Variants in PDE1C observed in about 807,000 individuals in gnomAD.
PDE1C encodes dual specificity calcium/calmodulin-dependent 3',5'-cyclic nucleotide phosphodiesterase 1C.
In PDE1C, 62 loss-of-function variants were observed where a neutral mutation model predicts 93.1. That is an observed-to-expected ratio of 0.67 (90% CI 0.54 to 0.82). The LOEUF (loss-of-function observed/expected upper bound fraction) is 0.82. Among genes scored for constraint, PDE1C ranks in the 40% least tolerant of loss-of-function variants. The pLI is 0.00. For missense variants in PDE1C, 742 were observed against 884.6 expected, an observed-to-expected ratio of 0.84 and a Z score of 2.04; for synonymous variants, 325 against 310.1, an observed-to-expected ratio of 1.05 and a Z score of -0.50.
At chr7:31,824,035 C>A (rs1789333243) in intron 13 of PDE1C, among the ~76,000 whole-genome samples, 1 of 152,006 alleles carries the variant, frequency 6.6e-6, no homozygotes, top group South Asian at 2.1e-4. Flanking sequence ...GAGGGTCTAT[C>A]CATCTGGAGC....
intron 11 of PDE1C, among the ~76,000 whole-genome samples, chr7:31,832,386 C>T (rs1790528766): frequency 6.6e-6 from 1 of 152,112 alleles, no homozygotes; most frequent in Non-Finnish European, 1.5e-5. Context: ...GAGGCAGTGG[C>T]TCGGATTTTG....
chr7:32,215,344 G>GA (rs1354136144), intron 1 of PDE1C, among the ~76,000 whole-genome samples: 2 of 152,216 alleles, frequency 1.3e-5, no homozygotes, highest in South Asian at 2.1e-4. Context: ...CCGTTTTGTA[G>GA]AAAAAATGTC....
rs530751030 is a variant in PDE1C, at chr7:32,386,833, C to G, written c.310+40989G>C. Among the ~76,000 whole-genome samples, 46 of 152,090 alleles carry G rather than the reference C, an allele frequency of 3.0e-4. 1 individual carries two copies. The South Asian group carries it at 9.6e-3, about 32-fold the overall frequency. On this transcript the variant is annotated intron_variant, in intron 1 of 1. Transcript: ENST00000672256. ...CAAATAGCCGTCAAAGAGGTTGATT[C>G]GATTTGCCCTCTTACTGCAGTGTCT... is the stretch of plus-strand genomic sequence containing the variant.
In PDE1C at chr7:31,823,087, G is replaced by A. The variant is rs1562866361; in HGVS notation, c.1568C>T (p.Ala523Val). ...TGGCATGTTACCTTTGGGTACCTTGGCCCTCCATCTCTCCCGATTGATGTG... is the reference window on the plus strand; with the variant it reads ...TGGCATGTTACCTTTGGGTACCTTGACCCTCCATCTCTCCCGATTGATGTG... ...VVHINRERWRAKVPKEEKAKK... is the reference protein window; with the variant it reads ...VVHINRERWRVKVPKEEKAKK... The change falls in exon 14 of 18, where the codon GCC becomes GTC. Residue 523 changes from alanine (A) to valine (V), a missense_variant. Physicochemically the swap from Ala to Val is moderately conservative, Grantham distance 64 (BLOSUM62 0). Around this residue, in one of 4 missense-constraint regions of PDE1C, gnomAD observed 454 missense variants for 459.4 expected, o/e 0.99. Coordinates refer to ENST00000396191, the MANE Select transcript of PDE1C (RefSeq NM_001191057.4). The A allele has an allele frequency of 1.9e-6, 3 of 1,610,654 alleles. No individual in the cohort carries two copies. The highest frequency in any genetic ancestry group is 1.7e-6 in the Non-Finnish European group (2 of 1,178,316).
intron 1 of PDE1C, among the ~76,000 whole-genome samples, chr7:32,312,995 A>G (rs185354337): frequency 7.9e-5 from 12 of 152,312 alleles, no homozygotes; most frequent in Non-Finnish European, 1.3e-4. Context: ...AATTTTCCCA[A>G]CCTACTCATC....
intron 3 of PDE1C, among the ~76,000 whole-genome samples, chr7:32,147,338 G>A (rs1403739761): frequency 1.6e-5 from 2 of 123,764 alleles, no homozygotes; most frequent in East Asian, 4.8e-4. Flanking sequence ...GAAAGACGCT[G>A]TTTGTAGGTA....
intron 3 of PDE1C, among the ~76,000 whole-genome samples, chr7:32,088,697 A>G (rs1797279168): frequency 6.6e-6 from 1 of 151,962 alleles, no homozygotes; most frequent in African/African-American, 2.4e-5. Context: ...TTCTGACCTC[A>G]CTCCAGTGAG....
intron 1 of PDE1C, among the ~76,000 whole-genome samples, chr7:32,223,176 T>C (rs907751814): frequency 5.9e-5 from 9 of 152,212 alleles, no homozygotes; most frequent in African/African-American, 2.2e-4. Flanking sequence ...TCTCCTCTCA[T>C]CTGCTCATTA....
chr7:31,957,946 C>T (rs1808377809), intron 2 of PDE1C, among the ~76,000 whole-genome samples: 1 of 152,124 alleles, frequency 6.6e-6, no homozygotes, highest in South Asian at 2.1e-4. Context: ...TTTCCAGCCA[C>T]AAATCTCCAG....
At chr7:32,299,017 G>A in exon 1 of PDE1C, 2 of 1,225,162 alleles carry the variant, frequency 1.6e-6, no homozygotes, top group Non-Finnish European at 2.0e-6. Context: ...TGTCAGGAAG[G>A]GAGGACGCGC....
intron 2 of PDE1C, among the ~76,000 whole-genome samples, chr7:31,955,612 C>T (rs866950429): frequency 4.7e-4 from 71 of 152,212 alleles, no homozygotes; most frequent in African/African-American, 1.7e-3. Flanking sequence ...AATTCCAACT[C>T]CTAGTAACTA....
At chr7:31,651,886 T>G in the PDE1C span, 16 of 1,294,490 alleles carry the variant, frequency 1.2e-5, no homozygotes, top group African/African-American at 1.3e-4. Context: ...CAATGGAAGA[T>G]TGCACCTGGG....
At chr7:32,002,927 A>C (rs1174234173) in intron 2 of PDE1C, among the ~76,000 whole-genome samples, 3 of 152,200 alleles carry the variant, frequency 2.0e-5, no homozygotes. Flanking sequence ...GAAAATTGAA[A>C]TTCAGTTTCT....
intron 3 of PDE1C, among the ~76,000 whole-genome samples, chr7:32,083,863 G>T (rs989924944): frequency 2.6e-5 from 4 of 152,018 alleles, no homozygotes; most frequent in Non-Finnish European, 4.4e-5. Context: ...ACTAAACATG[G>T]AAAGGAAAAA....
chr7:31,901,469 T>C (rs1010961513), intron 2 of PDE1C, among the ~76,000 whole-genome samples: 1 of 151,318 alleles, frequency 6.6e-6, no homozygotes, highest in African/African-American at 2.4e-5. Flanking sequence ...AAAGTTCTAC[T>C]AAGGGATATA....
intron 1 of PDE1C, among the ~76,000 whole-genome samples, chr7:32,408,730 A>T (rs574062385): frequency 6.6e-6 from 1 of 152,304 alleles, no homozygotes; most frequent in South Asian, 2.1e-4. Flanking sequence ...CGAAGGTTGC[A>T]GTGGGCCAAG....
At chr7:31,658,354 AAAGACTT>A in the PDE1C span, 3 of 1,521,294 alleles carry the variant, frequency 2.0e-6, no homozygotes, top group Non-Finnish European at 2.6e-6. Flanking sequence ...AATAAAATCA[AAAGACTT>A]TCTGAAGACA....
chr7:31,643,025 A>C, the PDE1C span: 1 of 1,613,986 alleles, frequency 6.2e-7, no homozygotes, highest in Non-Finnish European at 8.5e-7. Flanking sequence ...GCTGAGTATG[A>C]GGTCACCAGA....
At chr7:32,010,838 C>G (rs560561373) in intron 2 of PDE1C, among the ~76,000 whole-genome samples, 4 of 152,092 alleles carry the variant, frequency 2.6e-5, no homozygotes, top group African/African-American at 9.7e-5. Flanking sequence ...ATAAGGACAC[C>G]AGTCATATTG....
Sources: gnomAD v4.1 joint callset for allele counts (sites outside exome capture counted in the v4.1 genomes callset) on GRCh38, gnomAD v4.1.1 for gene constraint, gnomAD v4.1.1 regional missense constraint, MANE v1.5 for transcripts, NCBI Gene and HGNC (gene_info 2026-07-23, HGNC 2026-07-21) for gene names.